THEMIS: variants seen among roughly 807,000 people sequenced by gnomAD.
THEMIS encodes thymocyte selection associated.
THEMIS carries 37 observed loss-of-function variants against 52.6 expected under a neutral mutation model. The observed-to-expected ratio is 0.70, with a 90% confidence interval of 0.54 to 0.93. The LOEUF (loss-of-function observed/expected upper bound fraction) is 0.93. THEMIS is among the 40% of genes least tolerant of loss of function. The pLI is 0.00. For synonymous variants in THEMIS, 292 were observed against 272.7 expected (o/e 1.07, Z -0.70); for missense variants, 808 against 763.1 (o/e 1.06, Z -0.69).
At chr6:127,858,297 A>C (rs1287334875) in intron 1 of THEMIS, among the ~76,000 whole-genome samples, 1 of 152,112 alleles carries the variant, frequency 6.6e-6, no homozygotes, top group African/African-American at 2.4e-5. Context: ...CACTTCTTTC[A>C]GTCACATAAG....
the THEMIS span, among the ~76,000 whole-genome samples, chr6:127,702,992 A>G: frequency 0.41 from 53,249 of 129,686 alleles, 11,355 homozygotes; most frequent in Non-Finnish European, 0.52. Context: ...CTAGCACTTT[A>G]TGTTTATTTT....
At chr6:127,740,463 A>T (rs1177735308) in intron 4 of THEMIS, among the ~76,000 whole-genome samples, 1 of 130,240 alleles carries the variant, frequency 7.7e-6, no homozygotes, top group Non-Finnish European at 1.6e-5. Context: ...TTAAAATGCA[A>T]CAAATGTGAT....
At chr6:127,908,636 T>C (rs570584892) in intron 1 of THEMIS, among the ~76,000 whole-genome samples, 1 of 152,258 alleles carries the variant, frequency 6.6e-6, no homozygotes, top group East Asian at 1.9e-4. Context: ...AAATAAAAAA[T>C]GAAGCCCTTA....
At chr6:127,702,354 C>T in the THEMIS span, among the ~76,000 whole-genome samples, 3 of 152,162 alleles carry the variant, frequency 2.0e-5, no homozygotes, top group South Asian at 6.2e-4. Context: ...GCTGTATTTC[C>T]TAAATCTGAA....
intron 1 of THEMIS, among the ~76,000 whole-genome samples, chr6:127,911,591 G>GAATGTA (rs1781412306): frequency 6.6e-6 from 1 of 151,260 alleles, no homozygotes; most frequent in African/African-American, 2.5e-5. Flanking sequence ...ATTTACATAA[G>GAATGTA]AATGTAAACG....
intron 1 of THEMIS, among the ~76,000 whole-genome samples, chr6:127,863,914 C>G (rs1443961309): frequency 6.6e-6 from 1 of 152,082 alleles, no homozygotes; most frequent in Non-Finnish European, 1.5e-5. Context: ...TAAATTTGAG[C>G]AGCAAATGTA....
Position 127,778,454 on chromosome 6 carries a change from T to C in THEMIS, c.1758+34429A>G, listed in dbSNP as rs115253923. Among the ~76,000 whole-genome samples the C allele has an allele frequency of 3.3e-3, 504 of 152,252 alleles. 4 individuals are homozygous for C. The highest frequency in any genetic ancestry group is 0.012 in the African/African-American group (483 of 41,576). ...CATGTAGTTGGGTCTTAATTCCTTT[T>C]ATTCAGTCTAACAATTTCTGCCTTT... On this transcript the variant is annotated intron_variant, in intron 4 of 5. Coordinates refer to ENST00000368248, the MANE Select transcript of THEMIS (RefSeq NM_001010923.3).
intron 4 of THEMIS, among the ~76,000 whole-genome samples, chr6:127,789,612 T>C (rs935226535): frequency 2.0e-5 from 3 of 151,984 alleles, no homozygotes; most frequent in Non-Finnish European, 4.4e-5. Context: ...TGAACATCAA[T>C]ACAAAAATCC....
At chr6:127,703,079 G>A (rs1263500608), downstream of THEMIS, among the ~76,000 whole-genome samples, 6 of 94,554 alleles carry the variant, frequency 6.3e-5, no homozygotes, top group Admixed American at 1.5e-4. Context: ...ACGGAGTCTC[G>A]CTCTGTCGCC....
intron 4 of THEMIS, among the ~76,000 whole-genome samples, chr6:127,747,359 T>C (rs902649396): frequency 3.5e-5 from 5 of 144,800 alleles, no homozygotes; most frequent in Admixed American, 1.4e-4. Flanking sequence ...TATAGATATA[T>C]AATATAATAT....
intron 4 of THEMIS, among the ~76,000 whole-genome samples, chr6:127,790,708 C>A (rs920052530): frequency 2.0e-5 from 3 of 152,148 alleles, no homozygotes; most frequent in Admixed American, 6.5e-5. Flanking sequence ...ACTCAGCTTG[C>A]GTGACAAACC....
At chr6:127,736,922 A>T (rs1775029024) in intron 4 of THEMIS, among the ~76,000 whole-genome samples, 1 of 152,172 alleles carries the variant, frequency 6.6e-6, no homozygotes, top group South Asian at 2.1e-4. Context: ...TAAAATAACA[A>T]AATAATAGGA....
At chr6:127,770,918 T>C (rs1345380921) in intron 4 of THEMIS, among the ~76,000 whole-genome samples, 3 of 152,084 alleles carry the variant, frequency 2.0e-5, no homozygotes, top group African/African-American at 7.2e-5. Context: ...TTGTCAAAGA[T>C]CAGTTCAATC....
At chr6:127,881,282 TG>T (rs570533891) in intron 1 of THEMIS, among the ~76,000 whole-genome samples, 21 of 152,176 alleles carry the variant, frequency 1.4e-4, no homozygotes, top group African/African-American at 3.8e-4. Context: ...AATTTGTACT[TG>T]TTAAAAATGA....
At chr6:127,812,539 A>G (rs978554957) in intron 4 of THEMIS, among the ~76,000 whole-genome samples, 1 of 152,188 alleles carries the variant, frequency 6.6e-6, no homozygotes, top group Non-Finnish European at 1.5e-5. Flanking sequence ...ACTTAGAAAA[A>G]AAAATTAACA....
intron 2 of THEMIS, among the ~76,000 whole-genome samples, chr6:127,834,653 T>C (rs1253698455): frequency 2.0e-5 from 3 of 152,118 alleles, no homozygotes; most frequent in Admixed American, 2.0e-4. Context: ...TAGTTTTTCA[T>C]ATTGCTTTTA....
At chr6:127,699,853 A>T in the THEMIS span, among the ~76,000 whole-genome samples, 2 of 151,934 alleles carry the variant, frequency 1.3e-5, no homozygotes. Flanking sequence ...AAAATCTAAA[A>T]ATTTTAGAAG....
intron 4 of THEMIS, among the ~76,000 whole-genome samples, chr6:127,789,342 G>A (rs1017282216): frequency 6.6e-6 from 1 of 152,080 alleles, no homozygotes; most frequent in Admixed American, 6.5e-5. Context: ...TTGAATCCCT[G>A]AATAGATCGA....
intron 4 of THEMIS, among the ~76,000 whole-genome samples, chr6:127,797,363 C>T (rs954264090): frequency 1.3e-5 from 2 of 152,162 alleles, no homozygotes; most frequent in Non-Finnish European, 1.5e-5. Flanking sequence ...ACCACTACCA[C>T]CCTCAGTGCT....
Sources: gnomAD v4.1 joint callset for allele counts (sites outside exome capture counted in the v4.1 genomes callset) on GRCh38, gnomAD v4.1.1 for gene constraint, MANE v1.5 for transcripts, NCBI Gene and HGNC (gene_info 2026-07-23, HGNC 2026-07-21) for gene names.